Variants in FARS2 observed in about 807,000 individuals in gnomAD.
FARS2 encodes phenylalanine--tRNA ligase, mitochondrial.
Under a neutral mutation model 46.4 loss-of-function variants are expected in FARS2, and 40 were observed. The ratio of observed to expected loss-of-function variants is 0.86; its 90% CI spans 0.67 to 1.12. FARS2 has a LOEUF of 1.12. Ranked by LOEUF, FARS2 falls within the 50% of genes most tolerant of loss-of-function variation. The pLI, the probability that FARS2 is intolerant of heterozygous loss-of-function variation, is 0.00. For synonymous variants in FARS2, 234 were observed against 214.9 expected (o/e 1.09, Z -0.78); for missense variants, 513 against 567.9 (o/e 0.90, Z 0.98).
chr6:5,474,098 T>G (rs1337610079), intron 4 of FARS2, among the ~76,000 whole-genome samples: 4 of 152,134 alleles, frequency 2.6e-5, no homozygotes, highest in Non-Finnish European at 2.9e-5. Flanking sequence ...TGAATGTCCT[T>G]CATACCCATC....
chr6:5,741,831 T>C lies in FARS2; in HGVS notation c.1218-29460T>C, dbSNP rs1416853567. On this transcript the variant is annotated intron_variant, in intron 6 of 6. Transcript: ENST00000274680. ...ACCCCCAGTTAATTTTTGTATTTTT[T>C]AGTAGAGACAGGGTTTCGCCATGTT... Among the ~76,000 whole-genome samples the C allele has an allele frequency of 6.6e-5, 10 of 152,302 alleles. No homozygotes were observed. The East Asian group carries it at 1.9e-3, about 29-fold the overall frequency.
chr6:5,409,554 T>C (rs1761813943), intron 3 of FARS2, among the ~76,000 whole-genome samples: 1 of 152,228 alleles, frequency 6.6e-6, no homozygotes, highest in African/African-American at 2.4e-5. Flanking sequence ...GCCTAGACTT[T>C]TGGTAGTCAG....
intron 6 of FARS2, among the ~76,000 whole-genome samples, chr6:5,756,109 G>T (rs781120498): frequency 6.6e-6 from 1 of 152,076 alleles, no homozygotes; most frequent in South Asian, 2.1e-4. Context: ...GGTTCATGTC[G>T]GCCAAAGCTT....
At chr6:5,541,802 T>C (rs12203435) in intron 4 of FARS2, among the ~76,000 whole-genome samples, 26,169 of 152,146 alleles carry the variant, frequency 0.17, 3,110 homozygotes, top group Non-Finnish European at 0.25. Flanking sequence ...AGCAGTGGCA[T>C]GGGCTGTTCC....
At chr6:5,738,041 C>T (rs1761063421) in intron 6 of FARS2, among the ~76,000 whole-genome samples, 1 of 152,220 alleles carries the variant, frequency 6.6e-6, no homozygotes, top group African/African-American at 2.4e-5. Context: ...ATCTTGAATT[C>T]TTAGGCTCAC....
intron 1 of FARS2, among the ~76,000 whole-genome samples, chr6:5,285,124 G>C (rs950612172): frequency 6.6e-6 from 1 of 152,228 alleles, no homozygotes; most frequent in Non-Finnish European, 1.5e-5. Flanking sequence ...CAGATTTCAA[G>C]AGACTTGAAG....
intron 5 of FARS2, among the ~76,000 whole-genome samples, chr6:5,581,752 G>T (rs1773342075): frequency 6.6e-6 from 1 of 151,946 alleles, no homozygotes; most frequent in Non-Finnish European, 1.5e-5. Flanking sequence ...CATACTTCCG[G>T]TTAATTCCTG....
intron 5 of FARS2, among the ~76,000 whole-genome samples, chr6:5,553,600 T>A (rs1210928517): frequency 6.6e-6 from 1 of 152,228 alleles, no homozygotes; most frequent in African/African-American, 2.4e-5. Flanking sequence ...TTTAAATTTT[T>A]TTTTTAACAA....
chr6:5,278,200 C>T (rs1766472398), intron 1 of FARS2, among the ~76,000 whole-genome samples: 1 of 152,170 alleles, frequency 6.6e-6, no homozygotes, highest in Admixed American at 6.5e-5. Context: ...ATGACCTTTT[C>T]CTCCTTTACT....
chr6:5,541,489 C>G (rs1770631270), intron 4 of FARS2, among the ~76,000 whole-genome samples: 1 of 152,190 alleles, frequency 6.6e-6, no homozygotes, highest in African/African-American at 2.4e-5. Flanking sequence ...TTATCTGTCT[C>G]TATAGTTTCG....
At chr6:5,663,722 T>C (rs1777962577) in intron 6 of FARS2, among the ~76,000 whole-genome samples, 1 of 152,130 alleles carries the variant, frequency 6.6e-6, no homozygotes, top group African/African-American at 2.4e-5. Context: ...TTTAGAATCA[T>C]TTTTCCAGTG....
intron 1 of FARS2, among the ~76,000 whole-genome samples, chr6:5,315,749 T>TCTTTCTTTCTTC (rs1554162062): frequency 2.7e-5 from 4 of 149,540 alleles, no homozygotes; most frequent in Non-Finnish European, 4.4e-5. Flanking sequence ...TTCCTTTCTT[T>TCTTTCTTTCTTC]CTTTCTTTCT....
At position 5,441,075 on chromosome 6, in the gene FARS2, C is replaced by G. The variant is rs142674878; in HGVS notation, c.904+9903C>G. On this transcript the variant is annotated intron_variant, in intron 4 of 6. Transcript: ENST00000274680. The stretch of plus-strand genomic sequence containing the variant: ...TAGCTGGGACTACAGGTGTGCGCCA[C>G]CACAACCGGCTAATTTTTGTATTTT... Among the ~76,000 whole-genome samples the G allele has an allele frequency of 8.5e-5, 13 of 152,238 alleles. No individual in the cohort carries two copies. The East Asian group carries it at 2.5e-3, about 29-fold the overall frequency.
chr6:5,704,255 T>C (rs1758609718), intron 6 of FARS2, among the ~76,000 whole-genome samples: 1 of 152,198 alleles, frequency 6.6e-6, no homozygotes, highest in Admixed American at 6.5e-5. Context: ...GGTTGTCTTC[T>C]TGCTGCATCT....
intron 2 of FARS2, among the ~76,000 whole-genome samples, chr6:5,391,962 G>A (rs1181148490): frequency 1.3e-5 from 2 of 152,112 alleles, no homozygotes; most frequent in African/African-American, 4.8e-5. Flanking sequence ...ATTTGCACAA[G>A]GACAGTTAGG....
At chr6:5,253,186 A>G in the FARS2 span, among the ~76,000 whole-genome samples, 1 of 152,238 alleles carries the variant, frequency 6.6e-6, no homozygotes. Context: ...TTCTGACACT[A>G]CACTTGGTAT....
At chr6:5,318,605 A>G (rs1769732668) in intron 1 of FARS2, among the ~76,000 whole-genome samples, 1 of 152,210 alleles carries the variant, frequency 6.6e-6, no homozygotes. Flanking sequence ...CAGCAAAAGC[A>G]GAGATTTATT....
intron 4 of FARS2, among the ~76,000 whole-genome samples, chr6:5,533,004 A>G (rs1769960506): frequency 2.6e-5 from 4 of 152,146 alleles, no homozygotes; most frequent in Admixed American, 2.0e-4. Context: ...TAACAAAACA[A>G]CCTATGAGGA....
chr6:5,446,169 C>T (rs1189680303), intron 4 of FARS2, among the ~76,000 whole-genome samples: 1 of 150,720 alleles, frequency 6.6e-6, no homozygotes, highest in Non-Finnish European at 1.5e-5. Context: ...TGCCACTGCA[C>T]TCCAGCCTGG....
Sources: allele counts gnomAD v4.1 joint callset (sites outside exome capture counted in the v4.1 genomes callset), GRCh38; gene constraint gnomAD v4.1.1; transcripts MANE v1.5; gene names NCBI Gene and HGNC (gene_info 2026-07-23, HGNC 2026-07-21).